Variants in COL23A1 observed in about 807,000 individuals in gnomAD.
COL23A1 encodes the protein collagen type XXIII alpha 1 chain.
COL23A1 carries 97 observed loss-of-function variants against 99.3 expected under a neutral mutation model. The observed-to-expected ratio is 0.98, with a 90% CI of 0.83 to 1.16. The LOEUF (loss-of-function observed/expected upper bound fraction) is 1.16, where lower values mean the gene tolerates loss of function less well. Among genes scored for constraint, COL23A1 ranks in the 50% most tolerant of loss-of-function variants. COL23A1 has a pLI of 0.00. For synonymous variants in COL23A1, 320 were observed against 308.2 expected (o/e 1.04, Z -0.40); for missense variants, 762 against 757.4 (o/e 1.01, Z -0.07).
chr5:178,409,480 A>G (rs1274509432), intron 2 of COL23A1, among the ~76,000 whole-genome samples: 3 of 139,150 alleles, frequency 2.2e-5, no homozygotes, highest in Non-Finnish European at 4.8e-5. Context: ...CTGTGGTGGT[A>G]TTTACACTAG....
In COL23A1 at chr5:178,551,519, C is replaced by T. The variant is rs1046911388; in HGVS notation, c.361+9163G>A. Among the ~76,000 whole-genome samples, 3 of 152,154 alleles carry T rather than the reference C, an allele frequency of 2.0e-5. 1 individual carries two copies. The highest frequency in any genetic ancestry group is 3.8e-4 in the East Asian group (2 of 5,198). On this transcript the variant is annotated intron_variant, in intron 2 of 28. Coordinates refer to ENST00000390654, the MANE Select transcript of COL23A1 (RefSeq NM_173465.4). ...CCTCTTTGGGGATTTCCTGTTTCTG[C>T]GCAGCTTCCCCTCCCCAAAGGCATG...
rs1047186725 is a variant in COL23A1 at position 178,366,588 on chromosome 5, T to C, written c.362-59669A>G. Among the ~76,000 whole-genome samples the C allele has an allele frequency of 9.5e-4, 145 of 152,288 alleles. No individual in the cohort carries two copies. The highest frequency in any genetic ancestry group is 3.4e-3 in the African/African-American group (142 of 41,564). Reference sequence around the variant, plus strand: ...CACCCGCCCTGCGAAAATGTGTCGGTGATCACTGTGACTAGAACAAGTCCT... The same window carrying C: ...CACCCGCCCTGCGAAAATGTGTCGGCGATCACTGTGACTAGAACAAGTCCT... On this transcript the variant is annotated intron_variant, in intron 2 of 28. Transcript: ENST00000390654. The surrounding 1 kb of genome is among the most constrained non-coding windows in gnomAD (Gnocchi z 4.4).
intron 2 of COL23A1, among the ~76,000 whole-genome samples, chr5:178,545,318 C>CT (rs1761522713): frequency 6.6e-6 from 1 of 152,122 alleles, no homozygotes; most frequent in South Asian, 2.1e-4. Flanking sequence ...CAACAGGGGG[C>CT]TCAGGTTCCG....
chr5:178,506,123 C>CAG lies in COL23A1; in HGVS notation c.361+54557_361+54558dup, dbSNP rs145029069. Reference sequence around the variant, plus strand: ...GCCGGGAGGAGGAGGGTTGAACAAACAGAGAAAAACAAAAAACAGCACAGG... The same window carrying CAG: ...GCCGGGAGGAGGAGGGTTGAACAAACAGAGAGAAAAACAAAAAACAGCACAGG... On this transcript the variant is annotated intron_variant, in intron 2 of 28. Transcript: ENST00000390654. Among the ~76,000 whole-genome samples the CAG allele has an allele frequency of 2.8e-3, 430 of 152,294 alleles. 1 individual carries two copies. Among genetic ancestry groups the CAG allele is most frequent in the Non-Finnish European group, 5.0e-3 (339 of 68,040 alleles).
At chr5:178,506,402 C>T (rs1372269690) in intron 2 of COL23A1, among the ~76,000 whole-genome samples, 2 of 152,200 alleles carry the variant, frequency 1.3e-5, no homozygotes, top group African/African-American at 2.4e-5. Context: ...CCCCAGGGTA[C>T]ATCTGCAGGC....
At chr5:178,243,864 C>G (rs1351267591) in intron 25 of COL23A1, among the ~76,000 whole-genome samples, 1 of 152,230 alleles carries the variant, frequency 6.6e-6, no homozygotes, top group Non-Finnish European at 1.5e-5. Context: ...GGGCCCAGAG[C>G]CTGCAGCTGG....
chr5:178,380,700 G>A (rs772572464), intron 2 of COL23A1, among the ~76,000 whole-genome samples: 64 of 152,202 alleles, frequency 4.2e-4, no homozygotes, highest in South Asian at 2.1e-4. Context: ...CTAAGAGGAC[G>A]GCCGGGACAG....
intron 2 of COL23A1, among the ~76,000 whole-genome samples, chr5:178,522,559 C>T (rs566757312): frequency 3.3e-5 from 5 of 152,178 alleles, no homozygotes; most frequent in South Asian, 2.1e-4. Flanking sequence ...GAGATTGTGA[C>T]GAGCCGGTGG....
intron 2 of COL23A1, among the ~76,000 whole-genome samples, chr5:178,505,740 GACAA>G (rs1438855122): frequency 1.3e-5 from 2 of 152,160 alleles, no homozygotes; most frequent in Non-Finnish European, 2.9e-5. Flanking sequence ...GTAATCTGCA[GACAA>G]ACAAAGCAGT....
At chr5:178,324,582 C>A (rs1330086392) in intron 2 of COL23A1, among the ~76,000 whole-genome samples, 1 of 152,180 alleles carries the variant, frequency 6.6e-6, no homozygotes, top group African/African-American at 2.4e-5. Flanking sequence ...ACAGCCACCT[C>A]CCAGGCAGAA....
At chr5:178,389,271 A>C (rs1273043807) in intron 2 of COL23A1, among the ~76,000 whole-genome samples, 1 of 152,130 alleles carries the variant, frequency 6.6e-6, no homozygotes, top group African/African-American at 2.4e-5. Flanking sequence ...TGCCCCTTTC[A>C]ACACAGCCTC....
intron 2 of COL23A1, among the ~76,000 whole-genome samples, chr5:178,485,863 C>T (rs188426326): frequency 5.3e-5 from 8 of 151,618 alleles, no homozygotes; most frequent in African/African-American, 1.7e-4. Context: ...AGAAAATCTG[C>T]CCCAGCTGAG....
intron 2 of COL23A1, among the ~76,000 whole-genome samples, chr5:178,372,231 G>C (rs1456836432): frequency 6.6e-6 from 1 of 152,248 alleles, no homozygotes; most frequent in Non-Finnish European, 1.5e-5. Flanking sequence ...CACTTCGAGA[G>C]AGTGTTGCCC....
chr5:178,304,873 G>A (rs1387528777), intron 3 of COL23A1, among the ~76,000 whole-genome samples: 8 of 152,190 alleles, frequency 5.3e-5, no homozygotes, highest in African/African-American at 9.7e-5. Flanking sequence ...TCTGAGGATC[G>A]CATGAGATAA....
chr5:178,370,269 T>C (rs1292195167), intron 2 of COL23A1, among the ~76,000 whole-genome samples: 1 of 152,240 alleles, frequency 6.6e-6, no homozygotes, highest in Non-Finnish European at 1.5e-5. Flanking sequence ...TCTTCACCCT[T>C]GTGTTTAAAA....
At chr5:178,290,729 T>C (rs914798542) in intron 3 of COL23A1, among the ~76,000 whole-genome samples, 1 of 152,126 alleles carries the variant, frequency 6.6e-6, no homozygotes, top group African/African-American at 2.4e-5. Flanking sequence ...TTTATTTCTA[T>C]TGAGGGCAGA....
chr5:178,263,028 C>T (rs1252260661), intron 9 of COL23A1, among the ~76,000 whole-genome samples, 180 bp downstream of exon 9: 2 of 152,038 alleles, frequency 1.3e-5, no homozygotes, highest in Non-Finnish European at 2.9e-5. Flanking sequence ...GGGTCAGGAT[C>T]TGAATTGGGG....
Position 178,495,449 on chromosome 5 carries a change from G to A in COL23A1, c.361+65233C>T, listed in dbSNP as rs185097677. 3.9e-5 allele frequency among the ~76,000 whole-genome samples: 6 copies of A among 152,314 alleles called. No homozygotes were observed. The East Asian group carries it at 1.2e-3, about 29-fold the overall frequency. ...AGGGAAAGACCCAGAGGCACTACTG[G>A]AATGAATGAATTAATGAATGAATGT... On this transcript the variant is annotated intron_variant, in intron 2 of 28. Transcript: ENST00000390654.
intron 2 of COL23A1, among the ~76,000 whole-genome samples, chr5:178,499,632 G>A (rs888583975): frequency 2.0e-5 from 3 of 152,212 alleles, no homozygotes; most frequent in Admixed American, 6.5e-5. Flanking sequence ...CGACTGTAAC[G>A]TGGCATCACA....
Sources: gnomAD v4.1 joint callset for allele counts (sites outside exome capture counted in the v4.1 genomes callset) on GRCh38, gnomAD v4.1.1 for gene constraint, Gnocchi (gnomAD v3.1) non-coding constraint, MANE v1.5 for transcripts, NCBI Gene and HGNC (gene_info 2026-07-23, HGNC 2026-07-21) for gene names.